Variants in DIAPH2 observed in about 807,000 individuals in gnomAD.
The protein encoded by DIAPH2 is protein diaphanous homolog 2.
In DIAPH2, 35 loss-of-function variants were observed where a neutral mutation model predicts 92.7. The ratio of observed to expected loss-of-function variants is 0.38; its 90% confidence interval spans 0.29 to 0.50. The LOEUF is 0.50. DIAPH2 is among the 20% of genes least tolerant of loss of function. The pLI is 0.94. For synonymous variants in DIAPH2, 301 were observed against 280.4 expected, an observed-to-expected ratio of 1.07 and a Z score of -0.73; for missense variants, 701 against 819.5, an observed-to-expected ratio of 0.86 and a Z score of 1.77.
chrX:97,330,457 C>T (rs2091149977), intron 23 of DIAPH2, among the ~76,000 whole-genome samples: 1 of 110,238 alleles, frequency 9.1e-6, no homozygotes, highest in African/African-American at 3.3e-5. Context: ...TTTCATGGAT[C>T]ATAATGTCCT....
chrX:96,761,498 C>T (rs2064268525), intron 4 of DIAPH2, among the ~76,000 whole-genome samples: 1 of 110,492 alleles, frequency 9.1e-6, no homozygotes, highest in Non-Finnish European at 1.9e-5. Context: ...TTGCTTTTGT[C>T]ATTATCAGAT....
At chrX:96,814,801 G>A (rs1014715007) in intron 4 of DIAPH2, among the ~76,000 whole-genome samples, 1 of 111,827 alleles carries the variant, frequency 8.9e-6, no homozygotes, top group Non-Finnish European at 1.9e-5. Context: ...ATGCAGGTCT[G>A]TTGGTGTTTG....
chrX:97,262,009 A>G (rs767069178), intron 23 of DIAPH2, among the ~76,000 whole-genome samples: 7 of 108,804 alleles, frequency 6.4e-5, no homozygotes, highest in Admixed American at 2.0e-4. Context: ...TCATTCAACA[A>G]ATATTTATCA....
chrX:97,529,904 A>G (rs765710911), intron 26 of DIAPH2, among the ~76,000 whole-genome samples: 5 of 112,486 alleles, frequency 4.4e-5, no homozygotes, highest in Non-Finnish European at 9.4e-5. Context: ...TGCCAAGAAT[A>G]TCTACATAAG....
intron 22 of DIAPH2, among the ~76,000 whole-genome samples, chrX:97,239,296 T>C (rs1032854666): frequency 8.9e-6 from 1 of 111,783 alleles, no homozygotes; most frequent in African/African-American, 3.2e-5. Context: ...AGAAAGTCTG[T>C]CATTTAAAAT....
intron 22 of DIAPH2, among the ~76,000 whole-genome samples, chrX:97,227,898 A>T (rs761375658): frequency 1.8e-5 from 2 of 111,464 alleles, no homozygotes; most frequent in African/African-American, 3.3e-5. Flanking sequence ...ACAATTAAAA[A>T]AATTTTTTTT....
At chrX:97,149,730 C>CAAAACAAAAAA (rs2067272118) in intron 22 of DIAPH2, among the ~76,000 whole-genome samples, 1 of 31,118 alleles carries the variant, frequency 3.2e-5, no homozygotes, top group African/African-American at 9.9e-5. Context: ...GACTCCATCT[C>CAAAACAAAAAA]AAAAAAAAAA....
chrX:96,849,192 G>A (rs992717250), intron 4 of DIAPH2, among the ~76,000 whole-genome samples: 1 of 111,513 alleles, frequency 9.0e-6, no homozygotes, highest in Non-Finnish European at 1.9e-5. Flanking sequence ...TAGAGACAGA[G>A]TCTCGCTCTG....
intron 1 of DIAPH2, among the ~76,000 whole-genome samples, chrX:96,723,635 T>C (rs1043874930): frequency 7.1e-5 from 8 of 112,045 alleles, no homozygotes; most frequent in African/African-American, 1.9e-4. Context: ...TCAACCATCA[T>C]TGAGAACTTT....
At chrX:97,106,972 ATGTT>A (rs1171796818) in intron 20 of DIAPH2, among the ~76,000 whole-genome samples, 4 of 111,777 alleles carry the variant, frequency 3.6e-5, no homozygotes, top group Non-Finnish European at 5.6e-5. Context: ...GGCCTCAAAC[ATGTT>A]TTCAGAAAGG....
chrX:97,452,685 T>A (rs746465849), intron 26 of DIAPH2, among the ~76,000 whole-genome samples: 2 of 112,274 alleles, frequency 1.8e-5, no homozygotes, highest in Non-Finnish European at 3.8e-5. Flanking sequence ...CTGACTAAAA[T>A]GATTTTGTTT....
chrX:96,958,442 T>A (rs1037267848), intron 16 of DIAPH2, among the ~76,000 whole-genome samples: 1 of 112,100 alleles, frequency 8.9e-6, no homozygotes, highest in Non-Finnish European at 1.9e-5. Flanking sequence ...TCTTTAAAAA[T>A]TTTTTATTGA....
intron 17 of DIAPH2, among the ~76,000 whole-genome samples, chrX:97,060,667 G>T (rs765079902): frequency 1.8e-5 from 2 of 111,271 alleles, no homozygotes; most frequent in African/African-American, 6.5e-5. Flanking sequence ...CTAACTCTTG[G>T]CTACAAAATT....
intron 3 of DIAPH2, among the ~76,000 whole-genome samples, chrX:96,747,917 A>G: frequency 8.9e-6 from 1 of 112,387 alleles, no homozygotes; most frequent in Non-Finnish European, 1.9e-5. Context: ...TCTAGACAGC[A>G]TAATATCCAT....
chrX:96,945,305 T>G (rs947888676), intron 13 of DIAPH2, among the ~76,000 whole-genome samples: 2 of 111,823 alleles, frequency 1.8e-5, no homozygotes, highest in Non-Finnish European at 3.8e-5. Context: ...TATTTTTAGA[T>G]GCTTGGTTTT....
intron 17 of DIAPH2, among the ~76,000 whole-genome samples, chrX:97,058,398 T>C (rs2066572474): frequency 9.1e-6 from 1 of 110,422 alleles, no homozygotes; most frequent in Non-Finnish European, 1.9e-5. Flanking sequence ...TAATATGGCT[T>C]CTCTTATCAT....
At chrX:96,715,638 G>T (rs2063945272) in intron 1 of DIAPH2, among the ~76,000 whole-genome samples, 2 of 111,281 alleles carry the variant, frequency 1.8e-5, no homozygotes, top group Non-Finnish European at 3.8e-5. Flanking sequence ...GATGTAATGT[G>T]CTGCTTTGCC....
chrX:97,520,462 A>C (rs1263788411), intron 26 of DIAPH2, among the ~76,000 whole-genome samples: 1 of 112,192 alleles, frequency 8.9e-6, no homozygotes, highest in Non-Finnish European at 1.9e-5. Flanking sequence ...TTACTCAAAG[A>C]TGATTTATTT....
At chrX:97,091,143 G>A (rs1268723897) in intron 19 of DIAPH2, among the ~76,000 whole-genome samples, 1 of 110,682 alleles carries the variant, frequency 9.0e-6, no homozygotes, top group Non-Finnish European at 1.9e-5. Flanking sequence ...ACAACTCCCT[G>A]CTTTCCACCT....
Sources: gnomAD v4.1 joint callset for allele counts (sites outside exome capture counted in the v4.1 genomes callset) on GRCh38, gnomAD v4.1.1 for gene constraint, MANE v1.5 for transcripts, NCBI Gene and HGNC (gene_info 2026-07-23, HGNC 2026-07-21) for gene names.